SLITRK4: variants seen among roughly 807,000 people sequenced by gnomAD.
The protein encoded by SLITRK4 is SLIT and NTRK-like protein 4.
In SLITRK4, 7 loss-of-function variants were observed where a neutral mutation model predicts 34.7. That is an observed-to-expected ratio of 0.20 (90% confidence interval 0.11 to 0.38). The LOEUF (loss-of-function observed/expected upper bound fraction) is 0.38, where lower values mean the gene tolerates loss of function less well. Ranked by LOEUF, SLITRK4 falls within the 10% of genes least tolerant of loss-of-function variation. SLITRK4 has a pLI of 1.00. For synonymous variants in SLITRK4, 237 were observed against 246.2 expected (o/e 0.96, Z 0.35); for missense variants, 474 against 607.0 (o/e 0.78, Z 2.30).
At position 143,630,509 on chromosome X, in the gene SLITRK4, T is replaced by C; in HGVS notation, c.600A>G (p.Glu200=). 2 of 1,211,802 alleles carry C rather than the reference T, an allele frequency of 1.7e-6. No individual in the cohort carries two copies. Among genetic ancestry groups the C allele is most frequent in the Non-Finnish European group, 1.1e-6 (1 of 895,526 alleles). Residue 200 remains glutamate (E), a synonymous_variant, in exon 2 of 2, where the codon GAA becomes GAG. Transcript: ENST00000356928. ...GCAATTCAACGACACGGCCAATGTG[T>C]TCCAGAACCCCGATATAAGGGAGCT... ...IQKLPYIGVL[E]HIGRVVELQL...
intron 1 of SLITRK4, among the ~76,000 whole-genome samples, chrX:143,634,050 C>T (rs959821492): frequency 8.9e-6 from 1 of 112,350 alleles, no homozygotes; most frequent in Non-Finnish European, 1.9e-5. Flanking sequence ...CTCTCTAGAC[C>T]CAGGCGTGCG....
chrX:143,625,683 A>G lies in SLITRK4; in HGVS notation c.*2912T>C, dbSNP rs1930762572. 9.0e-6 allele frequency: 1 copy of G among 111,719 alleles called. No homozygotes were observed. Among genetic ancestry groups the G allele is most frequent in the Non-Finnish European group, 1.9e-5 (1 of 52,871 alleles). The allele number at this position is 111,719 out of a possible 1,213,427, so 9.2% of individuals were successfully genotyped here. A position where few individuals can be genotyped will look rare whatever the true frequency, so the allele number is the denominator to read the frequency against. On this transcript the variant is annotated 3_prime_UTR_variant, in exon 2 of 2. Transcript: ENST00000356928. ...TAGTTGAAGCCAACAAAATGTAGAT[A>G]CAGTATTTTAACTGTTCTTGTACTC...
rs1931003748 is a variant in SLITRK4 at position 143,630,769 on chromosome X, A to G, written c.340T>C (p.Leu114=). Residue 114 remains leucine (L), a synonymous_variant, in exon 2 of 2, where the codon TTG becomes CTG. Coordinates refer to ENST00000356928, the MANE Select transcript of SLITRK4 (RefSeq NM_001184749.3). ...LGLSALKQLH[L]NNNELKILRA... ...AGAATCTTTAATTCATTGTTGTTCAAGTGCAACTGCTTTAATGCACTGAGC... is the reference window on the plus strand; with the variant it reads ...AGAATCTTTAATTCATTGTTGTTCAGGTGCAACTGCTTTAATGCACTGAGC... 9.1e-6 allele frequency: 11 copies of G among 1,211,641 alleles called. No homozygotes were observed. In the East Asian group the frequency reaches 3.2e-4, roughly 36 times the overall value.
chrX:143,629,562 AC>A lies in SLITRK4; in HGVS notation c.1546del (p.Val516SerfsTer27). 8.3e-7 allele frequency: 1 copy of A among 1,210,907 alleles called. No individual in the cohort carries two copies. The highest frequency in any genetic ancestry group is 1.1e-6 in the Non-Finnish European group (1 of 895,318). On this transcript the variant is annotated frameshift_variant, in exon 2 of 2. Coordinates refer to ENST00000356928, the MANE Select transcript of SLITRK4 (RefSeq NM_001184749.3). LOFTEE classifies it high-confidence loss of function. ...TGTAAGAGATTGCAACTGATCAAGG[AC>A]CCCGCTGACAGGCAGGTACATGAAT... ...NKFMYLPVSG[V>X]LDQLQSLTQI...
rs1556427616 is a variant in SLITRK4 at position 143,630,253 on chromosome X, T to C, written c.856A>G (p.Thr286Ala). ...GTTTGGGTAGTGTGACCATTGGGAG[T>C]GGTGTAGCCATTTTCCAGCTGAGAT... is the stretch of plus-strand genomic sequence containing the variant. ...PPSQLENGYT[T>A]PNGHTTQTSL... Residue 286 changes from threonine (T) to alanine (A), a missense_variant, in exon 2 of 2, where the codon ACT becomes GCT. This residue lies in a region of SLITRK4 where 345 missense variants were observed against 406.5 expected (regional missense o/e 0.85). Transcript: ENST00000356928. 1 of 1,211,535 alleles carries C rather than the reference T, an allele frequency of 8.3e-7. No individual in the cohort carries two copies. Among genetic ancestry groups the C allele is most frequent in the South Asian group, 1.8e-5 (1 of 56,968 alleles).
rs1458788339 is a variant in SLITRK4 at position 143,624,291 on chromosome X, A to C, written c.*4304T>G. ...CCAAATACAAATCACAATTCACTCC[A>C]TAAGTGGGTAACTAACCTGTAACCA... On this transcript the variant is annotated 3_prime_UTR_variant, in exon 2 of 2. Coordinates refer to ENST00000356928, the MANE Select transcript of SLITRK4 (RefSeq NM_001184749.3). 1 of 112,146 alleles carries C rather than the reference A, an allele frequency of 8.9e-6. No homozygotes were observed. Among genetic ancestry groups the C allele is most frequent in the African/African-American group, 3.2e-5 (1 of 30,931 alleles). The allele number at this position is 112,146 out of a possible 1,213,427, so 9.2% of individuals were successfully genotyped here.
At position 143,631,077 on chromosome X, in the gene SLITRK4, G is replaced by T. The variant is rs367844080; in HGVS notation, c.32C>A (p.Ala11Asp). 5 of 1,177,878 alleles carry T rather than the reference G, an allele frequency of 4.2e-6. No homozygotes were observed. In the African/African-American group the frequency reaches 9.0e-5, roughly 21 times the overall value. Reference sequence around the variant, plus strand: ...ATCTGCATTTGTCGAAGAAATCAGGGCTGACAAAATCAGAAACAGCCACAG... The same window carrying T: ...ATCTGCATTTGTCGAAGAAATCAGGTCTGACAAAATCAGAAACAGCCACAG... MFLWLFLILS[A>D]LISSTNADSD... is the part of the protein sequence containing the mutation. Residue 11 changes from alanine to aspartate, a missense_variant, in exon 2 of 2, where the codon GCC becomes GAC. Physicochemically the swap from Ala to Asp is moderately radical, Grantham distance 126. This residue lies in a region of SLITRK4 where 84 missense variants were observed against 101.3 expected (regional missense o/e 0.83). Coordinates refer to ENST00000356928, the MANE Select transcript of SLITRK4 (RefSeq NM_001184749.3).
In SLITRK4 at chrX:143,636,101, C is replaced by T. The variant is rs1556431581; in HGVS notation, c.-417G>A. 5.8e-5 allele frequency among the ~76,000 whole-genome samples: 1 copy of T among 17,329 alleles called. No homozygotes were observed. The highest frequency in any genetic ancestry group is 9.6e-4 in the Admixed American group (1 of 1,037). 15.0% of individuals were successfully genotyped at this position (17,329 alleles called of 115,157 possible). Reference sequence around the variant, plus strand: ...ACTGGGAGAGATGCCGCACTTGCGACCAAAAGAAAAAAAAAAAAAAAAACT... The same window carrying T: ...ACTGGGAGAGATGCCGCACTTGCGATCAAAAGAAAAAAAAAAAAAAAAACT... On this transcript the variant is annotated 5_prime_UTR_variant, in exon 1 of 2. Coordinates refer to ENST00000356928, the MANE Select transcript of SLITRK4 (RefSeq NM_001184749.3).
Position 143,625,346 on chromosome X carries a change from C to T in SLITRK4, c.*3249G>A, listed in dbSNP as rs1930751712. The T allele has an allele frequency of 9.0e-6, 1 of 111,460 alleles. No homozygotes were observed. Among genetic ancestry groups the T allele is most frequent in the Non-Finnish European group, 1.9e-5 (1 of 52,773 alleles). The allele number at this position is 111,460 out of a possible 1,213,427, so 9.2% of individuals were successfully genotyped here. Reference sequence around the variant, plus strand: ...ATAGCTGCTTTCTCATAAAATTACACAAAGTCTTACTTTTAAAGAATTGAA... The same window carrying T: ...ATAGCTGCTTTCTCATAAAATTACATAAAGTCTTACTTTTAAAGAATTGAA... On this transcript the variant is annotated 3_prime_UTR_variant, in exon 2 of 2. Transcript: ENST00000356928.
At chrX:143,635,016 G>A (rs1931184826) in intron 1 of SLITRK4, 1 of 108,608 alleles carries the variant, frequency 9.2e-6, no homozygotes, top group Non-Finnish European at 1.9e-5. Context: ...GCCCCAGCAG[G>A]CGAGCAGGCG....
chrX:143,628,573 G>C lies in SLITRK4; in HGVS notation c.*22C>G, dbSNP rs1556425944. The stretch of plus-strand genomic sequence containing the variant: ...TTTCATCATTAAATAAATGTCCTCT[G>C]TATGAAGTAAGATTACATGACCTAG... On this transcript the variant is annotated 3_prime_UTR_variant, in exon 2 of 2. Transcript: ENST00000356928. 5.4e-6 allele frequency: 6 copies of C among 1,116,687 alleles called. No individual in the cohort carries two copies. The Admixed American group carries it at 1.7e-4, about 32-fold the overall frequency. The allele number at this position is 1,116,687 out of a possible 1,213,427, so 92.0% of individuals were successfully genotyped here. A position where few individuals can be genotyped will look rare whatever the true frequency, so the allele number is the denominator to read the frequency against.
At position 143,630,734 on chromosome X, in the gene SLITRK4, G is replaced by GTCAGC; in HGVS notation, c.370_374dup (p.Asp125GlufsTer8). ...CCAAGTTCTCTATGCCAAGGAAAGT[G>GTCAGC]TCAGCTCGGAGAATCTTTAATTCAT... On this transcript the variant is annotated frameshift_variant, in exon 2 of 2. Transcript: ENST00000356928. LOFTEE classifies it high-confidence loss of function. 8.3e-7 allele frequency: 1 copy of GTCAGC among 1,210,434 alleles called. No individual in the cohort carries two copies.
rs1930989737 is a variant in SLITRK4 at position 143,630,473 on chromosome X, A to G, written c.636T>C (p.Asp212=). The G allele has an allele frequency of 8.3e-7, 1 of 1,210,052 alleles. No homozygotes were observed. The highest frequency in any genetic ancestry group is 1.1e-6 in the Non-Finnish European group (1 of 895,352). ...IGRVVELQLE[D]NPWNCSCDLL... is the part of the protein sequence containing the mutation. ...AATCACAGCTACAGTTCCAAGGGTT[A>G]TCTTCCAGTTGCAATTCAACGACAC... Residue 212 remains aspartate (D), a synonymous_variant, in exon 2 of 2, where the codon GAT becomes GAC. Transcript: ENST00000356928.
chrX:143,624,175 A>G lies in SLITRK4; in HGVS notation c.*4420T>C, dbSNP rs1930712946. 3 of 111,601 alleles carry G rather than the reference A, an allele frequency of 2.7e-5. No homozygotes were observed. In the South Asian group the frequency reaches 1.1e-3, roughly 41 times the overall value. The allele number at this position is 111,601 out of a possible 1,213,427, so 9.2% of individuals were successfully genotyped here. On this transcript the variant is annotated 3_prime_UTR_variant, in exon 2 of 2. Coordinates refer to ENST00000356928, the MANE Select transcript of SLITRK4 (RefSeq NM_001184749.3). The stretch of plus-strand genomic sequence containing the variant: ...GTCAGTTACATTCATTTCTGCCCTC[A>G]AGTTAACCGTAATGCAATTAGTTCA...
At chrX:143,634,768 G>GTCTCTC (rs111405150) in intron 1 of SLITRK4, 1 of 107,390 alleles carries the variant, frequency 9.3e-6, no homozygotes, top group African/African-American at 3.4e-5. Context: ...CTCTCTCTCT[G>GTCTCTC]TCTCTCTCTC....
rs1018476786 is a variant in SLITRK4 at position 143,635,962 on chromosome X, C to T, written c.-278G>A. Among the ~76,000 whole-genome samples the T allele has an allele frequency of 9.2e-6, 1 of 108,338 alleles. No homozygotes were observed. Among genetic ancestry groups the T allele is most frequent in the South Asian group, 4.3e-4 (1 of 2,347 alleles). 94.1% of individuals were successfully genotyped at this position (108,338 alleles called of 115,157 possible). A position where few individuals can be genotyped will look rare whatever the true frequency, so the allele number is the denominator to read the frequency against. On this transcript the variant is annotated 5_prime_UTR_variant, in exon 1 of 2. Transcript: ENST00000356928. ...GTTAGAAGGAGACGGGTTAATTATC[C>T]GCACCTTAGAACTCCGTGGGCCTTT... is the stretch of plus-strand genomic sequence containing the variant.
intron 1 of SLITRK4, among the ~76,000 whole-genome samples, chrX:143,635,407 C>T (rs930110510): frequency 9.7e-6 from 1 of 103,252 alleles, no homozygotes; most frequent in Non-Finnish European, 2.0e-5. Context: ...AGGGCGCACT[C>T]GCCTCCATCC....
intron 1 of SLITRK4, among the ~76,000 whole-genome samples, chrX:143,633,223 A>T (rs1166222185): frequency 9.1e-6 from 1 of 109,951 alleles, no homozygotes; most frequent in African/African-American, 3.3e-5. Context: ...AAGAGAGAGA[A>T]AGAGTCCAGT....
rs1162859123 is a variant in SLITRK4 at position 143,628,414 on chromosome X, T to TA, written c.*180dup. ...ACTCCACAGTATAGGTTTTATGTAG[T>TA]AAAATCTATTAAACAAATTCTCTTC... On this transcript the variant is annotated 3_prime_UTR_variant, in exon 2 of 2. Coordinates refer to ENST00000356928, the MANE Select transcript of SLITRK4 (RefSeq NM_001184749.3). 5 of 422,671 alleles carry TA rather than the reference T, an allele frequency of 1.2e-5. No homozygotes were observed. The highest frequency in any genetic ancestry group is 1.6e-5 in the Non-Finnish European group (4 of 250,788). 34.8% of individuals were successfully genotyped at this position (422,671 alleles called of 1,213,427 possible).
Sources: allele counts gnomAD v4.1 joint callset (sites outside exome capture counted in the v4.1 genomes callset), GRCh38; gene constraint gnomAD v4.1.1; regional missense constraint gnomAD v4.1.1; transcripts MANE v1.5; gene names NCBI Gene and HGNC (gene_info 2026-07-23, HGNC 2026-07-21).